Variants in GRIA3 observed in about 807,000 individuals in gnomAD.
The protein encoded by GRIA3 is glutamate ionotropic receptor AMPA type subunit 3, also known as glutamate receptor 3.
A neutral mutation model predicts 63.0 loss-of-function variants in GRIA3; 3 were observed. That is an observed-to-expected ratio of 0.05 (90% CI 0.02 to 0.12). The LOEUF (loss-of-function observed/expected upper bound fraction) is 0.12. Among genes scored for constraint, GRIA3 ranks in the 10% least tolerant of loss-of-function variants. The pLI is 1.00. For missense variants in GRIA3, 347 were observed against 700.9 expected (o/e 0.50, Z 5.70); for synonymous variants, 274 against 257.9 (o/e 1.06, Z -0.60).
intron 3 of GRIA3, among the ~76,000 whole-genome samples, chrX:123,269,698 A>G (rs780134417): frequency 8.1e-5 from 9 of 111,636 alleles, no homozygotes; most frequent in South Asian, 3.8e-4. Flanking sequence ...GAATCGCAAT[A>G]CTGGTGATCA....
At chrX:123,190,143 C>T (rs1161753403) in intron 2 of GRIA3, among the ~76,000 whole-genome samples, 1 of 111,161 alleles carries the variant, frequency 9.0e-6, no homozygotes, top group African/African-American at 3.3e-5. Context: ...GATTTGGAAA[C>T]CAGGTGAAGA....
chrX:123,386,242 T>C (rs1214460151), intron 5 of GRIA3, among the ~76,000 whole-genome samples: 2 of 112,237 alleles, frequency 1.8e-5, no homozygotes, highest in Non-Finnish European at 3.8e-5. Context: ...GTATGTCTTA[T>C]TTTAAGAAAT....
intron 13 of GRIA3, among the ~76,000 whole-genome samples, chrX:123,473,455 G>A (rs2045873153): frequency 8.9e-6 from 1 of 111,843 alleles, no homozygotes; most frequent in Non-Finnish European, 1.9e-5. Flanking sequence ...ACCAACCTGG[G>A]CAGAGATGTC....
At chrX:123,255,347 A>T (rs190390688) in intron 3 of GRIA3, among the ~76,000 whole-genome samples, 5 of 111,590 alleles carry the variant, frequency 4.5e-5, no homozygotes, top group Non-Finnish European at 1.9e-5. Context: ...TCTGACTGAG[A>T]TACAAAATAG....
intron 2 of GRIA3, among the ~76,000 whole-genome samples, chrX:123,214,859 T>C (rs1928121670): frequency 8.9e-6 from 1 of 112,093 alleles, no homozygotes; most frequent in Non-Finnish European, 1.9e-5. Flanking sequence ...TAAGTGTCAG[T>C]GGCATCAAAA....
intron 3 of GRIA3, among the ~76,000 whole-genome samples, chrX:123,304,942 C>T (rs189564029): frequency 0.012 from 1,356 of 112,030 alleles, 22 homozygotes; most frequent in African/African-American, 0.041. Flanking sequence ...TTAAGCTTTT[C>T]GTTGCCAACT....
At chrX:123,259,566 GTTA>G (rs771269136) in intron 3 of GRIA3, among the ~76,000 whole-genome samples, 5 of 110,783 alleles carry the variant, frequency 4.5e-5, no homozygotes, top group African/African-American at 1.3e-4. Context: ...CAACAAATCT[GTTA>G]TTGTTATCAT....
At chrX:123,383,818 T>C (rs1238715688) in intron 5 of GRIA3, among the ~76,000 whole-genome samples, 2 of 111,103 alleles carry the variant, frequency 1.8e-5, no homozygotes, top group Non-Finnish European at 3.8e-5. Flanking sequence ...GTACTAAGCC[T>C]AGGACCCAAT....
At chrX:123,384,363 G>A (rs905262197) in intron 5 of GRIA3, among the ~76,000 whole-genome samples, 2 of 112,375 alleles carry the variant, frequency 1.8e-5, no homozygotes, top group African/African-American at 6.5e-5. Flanking sequence ...GGTGGCTAAC[G>A]CCTGTATTCC....
At position 123,463,577 on chromosome X, in the gene GRIA3, AG is replaced by A. The variant is rs1222001837; in HGVS notation, c.2077-1285del. On this transcript the variant is annotated intron_variant, in intron 12 of 15. Coordinates refer to ENST00000620443, the MANE Select transcript of GRIA3 (RefSeq NM_007325.5). Reference sequence around the variant, plus strand: ...AAGGAAGGAAGGAAGGAAGGAAGGAAGGGAGGGAGGGAGGGAGGGAGGGAGG... The same window carrying A: ...AAGGAAGGAAGGAAGGAAGGAAGGAAGGAGGGAGGGAGGGAGGGAGGGAGG... 4.2e-3 allele frequency among the ~76,000 whole-genome samples: 64 copies of A among 15,062 alleles called. 3 individuals are homozygous for A. Among genetic ancestry groups the A allele is most frequent in the African/African-American group, 7.6e-3 (23 of 3,011 alleles). 13.1% of individuals were successfully genotyped at this position (15,062 alleles called of 115,157 possible).
intron 2 of GRIA3, among the ~76,000 whole-genome samples, chrX:123,224,009 T>C (rs1212354666): frequency 9.0e-6 from 1 of 111,713 alleles, no homozygotes; most frequent in African/African-American, 3.3e-5. Flanking sequence ...TTCACCACTC[T>C]GCTGCAACTG....
At chrX:123,301,319 C>G (rs773929446) in intron 3 of GRIA3, among the ~76,000 whole-genome samples, 1 of 111,298 alleles carries the variant, frequency 9.0e-6, no homozygotes, top group African/African-American at 3.3e-5. Context: ...CTTTGAAGGT[C>G]TCTAAGAACT....
At chrX:123,214,366 T>C (rs936383917) in intron 2 of GRIA3, among the ~76,000 whole-genome samples, 2 of 111,895 alleles carry the variant, frequency 1.8e-5, no homozygotes, top group Non-Finnish European at 3.8e-5. Context: ...CACGACCATA[T>C]GTAGATCTCA....
intron 5 of GRIA3, among the ~76,000 whole-genome samples, chrX:123,388,227 T>A (rs937117111): frequency 1.8e-5 from 2 of 111,684 alleles, no homozygotes; most frequent in African/African-American, 6.5e-5. Context: ...CAGTTGTTCA[T>A]AACAGTCTCT....
At position 123,427,980 on chromosome X, in the gene GRIA3, C is replaced by A. The variant is rs753018768; in HGVS notation, c.1917C>A (p.Phe639Leu). Residue 639 changes from phenylalanine to leucine, a missense_variant, in exon 12 of 16, where the codon TTC becomes TTA. This residue lies in a region of GRIA3 where 49 missense variants were observed against 176.6 expected (regional missense o/e 0.28). Coordinates refer to ENST00000620443, the MANE Select transcript of GRIA3 (RefSeq NM_007325.5). ...SGRIVGGVWW[F>L]FTLIIISSYT... is the part of the protein sequence containing the mutation. The stretch of plus-strand genomic sequence containing the variant: ...GCATTGTTGGAGGGGTTTGGTGGTT[C>A]TTCACCCTGATCATAATTTCTTCCT... The A allele has an allele frequency of 8.3e-7, 1 of 1,203,862 alleles. No homozygotes were observed. The highest frequency in any genetic ancestry group is 2.2e-5 in the Admixed American group (1 of 45,892).
intron 2 of GRIA3, among the ~76,000 whole-genome samples, chrX:123,199,837 A>G (rs1458413226): frequency 8.9e-6 from 1 of 112,038 alleles, no homozygotes; most frequent in Non-Finnish European, 1.9e-5. Context: ...CCACCCTCTG[A>G]TCTATAGTCA....
intron 2 of GRIA3, among the ~76,000 whole-genome samples, chrX:123,192,285 T>C (rs992775070): frequency 1.6e-4 from 18 of 111,519 alleles, no homozygotes; most frequent in African/African-American, 5.6e-4. Flanking sequence ...CCTGCCTATG[T>C]GGGCACTGTC....
At chrX:123,429,548 T>G (rs903204652) in intron 12 of GRIA3, among the ~76,000 whole-genome samples, 10 of 111,711 alleles carry the variant, frequency 9.0e-5, no homozygotes, top group African/African-American at 3.3e-4. Flanking sequence ...TAGAAACAAT[T>G]TTCTGCCCCC....
chrX:123,200,608 T>TACACACACAC (rs200626306), intron 2 of GRIA3, among the ~76,000 whole-genome samples: 1,044 of 76,329 alleles, frequency 0.014, 15 homozygotes, highest in African/African-American at 0.041. Flanking sequence ...CACACATACA[T>TACACACACAC]ACACACACAC....
Sources: allele counts gnomAD v4.1 joint callset (sites outside exome capture counted in the v4.1 genomes callset), GRCh38; gene constraint gnomAD v4.1.1; regional missense constraint gnomAD v4.1.1; transcripts MANE v1.5; gene names NCBI Gene and HGNC (gene_info 2026-07-23, HGNC 2026-07-21).